The following ATG7 variants were observed in gnomAD, a reference collection of about 807,000 sequenced individuals.
The protein encoded by ATG7 is autophagy related 7, also known as ubiquitin-like modifier-activating enzyme ATG7.
Under a neutral mutation model 82.4 loss-of-function variants are expected in ATG7, and 70 were observed. The observed-to-expected ratio is 0.85, with a 90% CI of 0.70 to 1.04. The LOEUF is 1.04. Ranked by LOEUF, ATG7 falls within the 50% of genes least tolerant of loss-of-function variation. The pLI is 0.00. For synonymous variants in ATG7, 287 were observed against 313.0 expected (o/e 0.92, Z 0.88); for missense variants, 792 against 864.3 (o/e 0.92, Z 1.05).
intron 11 of ATG7, among the ~76,000 whole-genome samples, chr3:11,338,490 A>C (rs1263972936): frequency 9.4e-6 from 1 of 106,508 alleles, no homozygotes; most frequent in Non-Finnish European, 2.4e-5. Context: ...TCCCCACAGA[A>C]AAACAATTCT....
Position 11,358,352 on chromosome 3 carries a change from G to A in ATG7, c.1285-66G>A. On this transcript the variant is annotated intron_variant, in intron 14 of 20. Transcript: ENST00000693202. The stretch of plus-strand genomic sequence containing the variant: ...AAGTAAGTGCAGGCAGCTGTGGGAA[G>A]TGTGGGCTCTGAGATATTACCTATA... 5.4e-6 allele frequency: 8 copies of A among 1,491,136 alleles called. 1 individual carries two copies. In the South Asian group the frequency reaches 1.0e-4, roughly 19 times the overall value. 92.4% of individuals were successfully genotyped at this position (1,491,136 alleles called of 1,614,324 possible). A position where few individuals can be genotyped will look rare whatever the true frequency, so the allele number is the denominator to read the frequency against.
intron 19 of ATG7, among the ~76,000 whole-genome samples, chr3:11,404,866 C>T (rs1029194389): frequency 3.3e-5 from 5 of 151,954 alleles, no homozygotes; most frequent in Non-Finnish European, 4.4e-5. Flanking sequence ...GAGAAAGACC[C>T]GCCCCCATGA....
chr3:11,392,792 TA>T (rs2078925611), intron 19 of ATG7, among the ~76,000 whole-genome samples: 2 of 152,212 alleles, frequency 1.3e-5, no homozygotes, highest in African/African-American at 4.8e-5. Flanking sequence ...TTGTGGCTCC[TA>T]ATGGTGCAAG....
intron 20 of ATG7, among the ~76,000 whole-genome samples, chr3:11,495,089 A>G (rs2090716702): frequency 6.6e-6 from 1 of 151,994 alleles, no homozygotes; most frequent in East Asian, 1.9e-4. Flanking sequence ...GAAAAAAAAA[A>G]GGCTTGAACA....
chr3:11,437,127 C>G (rs1412547702), intron 20 of ATG7, among the ~76,000 whole-genome samples: 1 of 152,040 alleles, frequency 6.6e-6, no homozygotes, highest in Non-Finnish European at 1.5e-5. Flanking sequence ...TTTTGTTTCT[C>G]CTTCCCTCTC....
intron 19 of ATG7, among the ~76,000 whole-genome samples, chr3:11,408,201 G>A (rs2080534963): frequency 6.6e-6 from 1 of 152,072 alleles, no homozygotes; most frequent in East Asian, 1.9e-4. Context: ...AAATCTCTAG[G>A]GCAGGACAAA....
At chr3:11,403,335 CT>C (rs59538035) in intron 19 of ATG7, among the ~76,000 whole-genome samples, 199 of 144,568 alleles carry the variant, frequency 1.4e-3, no homozygotes, top group African/African-American at 1.7e-3. Context: ...CAAGGGTTTT[CT>C]TTTTTTTTTT....
At chr3:11,439,069 C>CT (rs67206280) in intron 20 of ATG7, among the ~76,000 whole-genome samples, 94,397 of 121,812 alleles carry the variant, frequency 0.77, 37,119 homozygotes, top group East Asian at 0.94. Flanking sequence ...TTCTTTCTTT[C>CT]TTTTTTTTTT....
chr3:11,277,901 C>T (rs1050000410), intron 1 of ATG7, among the ~76,000 whole-genome samples: 3 of 136,588 alleles, frequency 2.2e-5, no homozygotes, highest in Non-Finnish European at 4.8e-5. Flanking sequence ...ACCCCCCCCC[C>T]CCCACCAGGA....
At chr3:11,282,504 A>G (rs1291386035) in intron 3 of ATG7, 66 bp downstream of exon 3, 2 of 152,242 alleles carry the variant, frequency 1.3e-5, no homozygotes, top group East Asian at 3.8e-4. Context: ...CTGTTACCAC[A>G]GAAATCACCT....
chr3:11,511,260 G>C (rs985946806), intron 20 of ATG7, among the ~76,000 whole-genome samples: 2 of 152,110 alleles, frequency 1.3e-5, no homozygotes, highest in African/African-American at 4.8e-5. Context: ...TGGTAGAGCC[G>C]AGTGGCCTGT....
chr3:11,516,641 A>C (rs2092291283), intron 20 of ATG7, among the ~76,000 whole-genome samples: 1 of 152,274 alleles, frequency 6.6e-6, no homozygotes, highest in Non-Finnish European at 1.5e-5. Flanking sequence ...AGCTTTATTC[A>C]TAATTGCCAA....
At chr3:11,418,898 A>G (rs955632607) in intron 19 of ATG7, among the ~76,000 whole-genome samples, 1 of 151,732 alleles carries the variant, frequency 6.6e-6, no homozygotes, top group Non-Finnish European at 1.5e-5. Flanking sequence ...CAAAGGGGGA[A>G]GTGCCACTTT....
intron 20 of ATG7, among the ~76,000 whole-genome samples, chr3:11,547,335 G>T (rs547356088): frequency 2.0e-5 from 3 of 152,320 alleles, no homozygotes; most frequent in African/African-American, 7.2e-5. Flanking sequence ...AGAGAGTGGA[G>T]GCAGGGGTTT....
downstream of ATG7, among the ~76,000 whole-genome samples, chr3:11,561,890 A>AATTT (rs1183301541): frequency 3.8e-4 from 30 of 79,254 alleles, no homozygotes; most frequent in Admixed American, 3.1e-3. Context: ...GCTGCGCCAA[A>AATTT]CTTTTTTTTT....
intron 19 of ATG7, among the ~76,000 whole-genome samples, chr3:11,385,664 G>A (rs890829640): frequency 1.3e-5 from 2 of 152,174 alleles, no homozygotes; most frequent in African/African-American, 4.8e-5. Flanking sequence ...TTGTAAATGT[G>A]GAGGACTAGG....
intron 20 of ATG7, among the ~76,000 whole-genome samples, chr3:11,534,186 A>G (rs936396697): frequency 2.6e-5 from 4 of 152,270 alleles, no homozygotes; most frequent in Non-Finnish European, 4.4e-5. Context: ...TGAATGAGAA[A>G]GGAACTGGAG....
intron 20 of ATG7, among the ~76,000 whole-genome samples, chr3:11,506,627 A>G (rs2153069641): frequency 6.6e-6 from 1 of 151,164 alleles, no homozygotes; most frequent in South Asian, 2.1e-4. Flanking sequence ...CTGTAATCCC[A>G]GCTACTCAGG....
intron 20 of ATG7, among the ~76,000 whole-genome samples, chr3:11,550,296 A>G (rs1007352705): frequency 1.3e-5 from 2 of 151,178 alleles, no homozygotes; most frequent in Non-Finnish European, 2.9e-5. Flanking sequence ...AGGGCTGTGC[A>G]TCTTTTTTTT....
Sources: gnomAD v4.1 joint callset for allele counts (sites outside exome capture counted in the v4.1 genomes callset) on GRCh38, gnomAD v4.1.1 for gene constraint, MANE v1.5 for transcripts, NCBI Gene and HGNC (gene_info 2026-07-23, HGNC 2026-07-21) for gene names.